BICRAL: variants seen among roughly 807,000 people sequenced by gnomAD.
BICRAL encodes the protein BRD4-interacting chromatin-remodeling complex-associated protein-like.
BICRAL carries 8 observed loss-of-function variants against 91.8 expected under a neutral mutation model. The ratio of observed to expected loss-of-function variants is 0.09; its 90% CI spans 0.05 to 0.16. The LOEUF is 0.16. Ranked by LOEUF, BICRAL falls within the 10% of genes least tolerant of loss-of-function variation. The pLI, the probability that BICRAL is intolerant of heterozygous loss-of-function variation, is 1.00. For missense variants in BICRAL, 1,038 were observed against 1,310.9 expected (o/e 0.79, Z 3.21); for synonymous variants, 445 against 491.1 (o/e 0.91, Z 1.24).
rs1229436764 is a variant in BICRAL at position 42,865,672 on chromosome 6, G to C, written c.*226G>C. 3 of 518,454 alleles carry C rather than the reference G, an allele frequency of 5.8e-6. No homozygotes were observed. Among genetic ancestry groups the C allele is most frequent in the Non-Finnish European group, 1.0e-5 (3 of 293,164 alleles). 32.1% of individuals were successfully genotyped at this position (518,454 alleles called of 1,614,324 possible). A position where few individuals can be genotyped will look rare whatever the true frequency, so the allele number is the denominator to read the frequency against. ...CCTTTAGTAAAATTAATCCTTGGCA[G>C]AAAGCAGTCTGATAGGCCCCACTCA... On this transcript the variant is annotated 3_prime_UTR_variant, in exon 13 of 13. Coordinates refer to ENST00000314073, the MANE Select transcript of BICRAL (RefSeq NM_001393499.1).
chr6:42,829,898 G>A lies in BICRAL; in HGVS notation c.1565G>A (p.Arg522Lys). Residue 522 changes from arginine to lysine, a missense_variant, in exon 6 of 13, where the codon AGA (arginine) becomes AAA (lysine). Arg to Lys is a conservative substitution (Grantham distance 26). This residue lies in a region of BICRAL where 532 missense variants were observed against 724.9 expected (regional missense o/e 0.73). Transcript: ENST00000314073. ...GGGCAGAGCAGCGTTTCCCAAGGAA[G>A]ACCTGGCTTCGCCACCATGCCATCG... ...SPGQSSVSQG[R>K]PGFATMPSVT... 3.7e-6 allele frequency: 6 copies of A among 1,614,226 alleles called. No homozygotes were observed. The highest frequency in any genetic ancestry group is 5.1e-6 in the Non-Finnish European group (6 of 1,180,052).
rs909423122 is a variant in BICRAL at position 42,866,239 on chromosome 6, G to A, written c.*793G>A. 2.0e-5 allele frequency: 3 copies of A among 152,356 alleles called. No homozygotes were observed. Among genetic ancestry groups the A allele is most frequent in the Non-Finnish European group, 4.4e-5 (3 of 68,228 alleles). 9.4% of individuals were successfully genotyped at this position (152,356 alleles called of 1,614,324 possible). The stretch of plus-strand genomic sequence containing the variant: ...AAATAATTTCACCAGGCTAAATAAA[G>A]GAAAATGGAAACCAGTTAAGAGGCA... On this transcript the variant is annotated 3_prime_UTR_variant, in exon 13 of 13. Transcript: ENST00000314073.
chr6:42,839,571 G>GT (rs1447544575), intron 6 of BICRAL, among the ~76,000 whole-genome samples: 3 of 151,938 alleles, frequency 2.0e-5, no homozygotes, highest in Non-Finnish European at 4.4e-5. Context: ...AGCTGCTCTT[G>GT]TTTCATCCAC....
At chr6:42,782,680 A>C (rs1180875931) in intron 1 of BICRAL, among the ~76,000 whole-genome samples, 1 of 150,608 alleles carries the variant, frequency 6.6e-6, no homozygotes, top group East Asian at 2.0e-4. Flanking sequence ...TTAATGACTC[A>C]TTGATTGAGC....
intron 1 of BICRAL, among the ~76,000 whole-genome samples, chr6:42,758,904 G>C (rs1241543204): frequency 6.6e-6 from 1 of 152,154 alleles, no homozygotes; most frequent in East Asian, 1.9e-4. Context: ...CTGGCCAGGA[G>C]GCTAGGAGAG....
At chr6:42,841,491 G>A (rs910318734) in intron 6 of BICRAL, among the ~76,000 whole-genome samples, 20 of 151,948 alleles carry the variant, frequency 1.3e-4, no homozygotes, top group African/African-American at 3.9e-4. Context: ...CCTGCCAATC[G>A]CTCTGAATTT....
At chr6:42,789,677 G>A (rs1391843984) in intron 1 of BICRAL, among the ~76,000 whole-genome samples, 1 of 150,770 alleles carries the variant, frequency 6.6e-6, no homozygotes, top group African/African-American at 2.4e-5. Flanking sequence ...TTAAATATTT[G>A]TGGCAGATAG....
intron 6 of BICRAL, among the ~76,000 whole-genome samples, chr6:42,848,040 AAC>A (rs1765070802): frequency 6.6e-6 from 1 of 151,906 alleles, no homozygotes; most frequent in African/African-American, 2.4e-5. Flanking sequence ...GAGGCAGGAG[AAC>A]GGCGTGAACC....
At chr6:42,815,627 T>TCA (rs1763969693) in intron 2 of BICRAL, among the ~76,000 whole-genome samples, 1 of 152,194 alleles carries the variant, frequency 6.6e-6, no homozygotes, top group South Asian at 2.1e-4. Context: ...TACACTGTTA[T>TCA]ATCTCTGCCT....
chr6:42,766,012 A>C (rs1471613556), intron 1 of BICRAL, among the ~76,000 whole-genome samples: 6 of 151,972 alleles, frequency 3.9e-5, no homozygotes. Flanking sequence ...AGGTTATAAG[A>C]CTGGCTAATT....
At chr6:42,760,625 C>T (rs967109523) in intron 1 of BICRAL, among the ~76,000 whole-genome samples, 3 of 151,960 alleles carry the variant, frequency 2.0e-5, no homozygotes, top group Non-Finnish European at 4.4e-5. Context: ...AGGCTGGTCT[C>T]GAACTCCTGG....
intron 1 of BICRAL, among the ~76,000 whole-genome samples, chr6:42,753,356 A>G (rs150848673): frequency 9.2e-4 from 140 of 152,076 alleles, no homozygotes; most frequent in African/African-American, 3.3e-3. Flanking sequence ...GAGCTACTAC[A>G]CTTGGCCAAT....
At chr6:42,747,894 T>C (rs955085727) in intron 1 of BICRAL, among the ~76,000 whole-genome samples, 1 of 144,996 alleles carries the variant, frequency 6.9e-6, no homozygotes, top group Non-Finnish European at 1.5e-5. Flanking sequence ...GCTATCCGCC[T>C]CCCGAGTTCA....
chr6:42,823,331 C>T (rs760975534), intron 5 of BICRAL, among the ~76,000 whole-genome samples: 2 of 152,038 alleles, frequency 1.3e-5, no homozygotes, highest in African/African-American at 2.4e-5. Flanking sequence ...CATGTTAGCC[C>T]GGCTGGTCTT....
intron 1 of BICRAL, among the ~76,000 whole-genome samples, chr6:42,808,790 G>A (rs571936319): frequency 2.0e-5 from 3 of 152,212 alleles, no homozygotes; most frequent in Non-Finnish European, 4.4e-5. Flanking sequence ...AACACTCACC[G>A]ATGTGGTCTG....
upstream of BICRAL, among the ~76,000 whole-genome samples, chr6:42,779,030 T>C (rs1473802349): frequency 6.6e-6 from 1 of 151,850 alleles, no homozygotes; most frequent in Non-Finnish European, 1.5e-5. Context: ...TTTCGCCATG[T>C]TGGTCAGGCT....
At position 42,828,516 on chromosome 6, in the gene BICRAL, C is replaced by G. The variant is rs1764371575; in HGVS notation, c.183C>G (p.Leu61=). The change falls in exon 6 of 13, where the codon CTC becomes CTG. Residue 61 remains leucine (L), a synonymous_variant. Coordinates refer to ENST00000314073, the MANE Select transcript of BICRAL (RefSeq NM_001393499.1). ...AGAATGCTGATCCTAAGTCATCCCT[C>G]AAAGGTGTAAGCAACCAGCTTGGAG... ...NSSNADPKSS[L]KGVSNQLGEG... 6.2e-7 allele frequency: 1 copy of G among 1,613,358 alleles called. No homozygotes were observed. Among genetic ancestry groups the G allele is most frequent in the Non-Finnish European group, 8.5e-7 (1 of 1,179,542 alleles).
chr6:42,769,033 A>G (rs944754551), intron 1 of BICRAL, among the ~76,000 whole-genome samples: 7 of 152,382 alleles, frequency 4.6e-5, no homozygotes, highest in South Asian at 4.1e-4. Context: ...GTCTATGACT[A>G]TATAACAAGG....
chr6:42,799,342 A>G (rs1192758173), intron 1 of BICRAL, among the ~76,000 whole-genome samples: 6 of 144,268 alleles, frequency 4.2e-5, no homozygotes, highest in African/African-American at 1.6e-4. Flanking sequence ...TCTGTCACCC[A>G]GGTTGGAGTG....
Sources: gnomAD v4.1 joint callset for allele counts (sites outside exome capture counted in the v4.1 genomes callset) on GRCh38, gnomAD v4.1.1 for gene constraint, gnomAD v4.1.1 regional missense constraint, MANE v1.5 for transcripts, NCBI Gene and HGNC (gene_info 2026-07-23, HGNC 2026-07-21) for gene names.